The following TTC28 variants were observed in gnomAD, a reference collection of about 807,000 sequenced individuals.
TTC28 encodes the protein tetratricopeptide repeat protein 28.
TTC28 carries 61 observed loss-of-function variants against 198.0 expected under a neutral mutation model. The ratio of observed to expected loss-of-function variants is 0.31; its 90% CI spans 0.25 to 0.38. The LOEUF (loss-of-function observed/expected upper bound fraction) is 0.38. Among genes scored for constraint, TTC28 ranks in the 10% least tolerant of loss-of-function variants. TTC28 has a pLI of 1.00. For synonymous variants in TTC28, 1,171 were observed against 1,297.8 expected (o/e 0.90, Z 2.10); for missense variants, 2,678 against 3,164.0 (o/e 0.85, Z 3.69).
intron 2 of TTC28, among the ~76,000 whole-genome samples, chr22:28,397,494 G>A (rs1293028448): frequency 6.6e-6 from 1 of 152,202 alleles, no homozygotes; most frequent in Non-Finnish European, 1.5e-5. Flanking sequence ...AGACAGCACA[G>A]GCAGAGAGTG....
intron 5 of TTC28, among the ~76,000 whole-genome samples, chr22:28,232,165 C>T (rs1928859436): frequency 6.6e-6 from 1 of 152,298 alleles, no homozygotes; most frequent in South Asian, 2.1e-4. Context: ...AGGATTTCAA[C>T]CACTCCAGCA....
At chr22:28,109,598 T>C (rs1026157632) in intron 6 of TTC28, among the ~76,000 whole-genome samples, 1 of 152,188 alleles carries the variant, frequency 6.6e-6, no homozygotes, top group Admixed American at 6.5e-5. Flanking sequence ...TAACAAGCAG[T>C]TTAAAAAAGT....
intron 5 of TTC28, among the ~76,000 whole-genome samples, chr22:28,176,271 G>A (rs763404792): frequency 6.6e-6 from 1 of 152,052 alleles, no homozygotes; most frequent in Non-Finnish European, 1.5e-5. Context: ...CAACATGTTC[G>A]AACCTGGAGA....
chr22:28,197,556 C>G (rs1410801210), intron 5 of TTC28, among the ~76,000 whole-genome samples: 1 of 151,508 alleles, frequency 6.6e-6, no homozygotes, highest in Non-Finnish European at 1.5e-5. Flanking sequence ...ACTTTTAAAG[C>G]CTAAAAATGA....
intron 12 of TTC28, among the ~76,000 whole-genome samples, chr22:28,090,180 A>C (rs1941770212): frequency 6.6e-6 from 1 of 152,196 alleles, no homozygotes; most frequent in African/African-American, 2.4e-5. Flanking sequence ...GAAAAGTAAA[A>C]AGAATAAAAT....
intron 14 of TTC28, among the ~76,000 whole-genome samples, chr22:28,012,858 G>A (rs915576622): frequency 1.3e-5 from 2 of 152,154 alleles, no homozygotes; most frequent in African/African-American, 4.8e-5. Context: ...GTTGCATTGG[G>A]TGTTATCATC....
Position 28,032,957 on chromosome 22 carries a change from G to A in TTC28, c.3933-2591C>T, listed in dbSNP as rs1329509053. Among the ~76,000 whole-genome samples the A allele has an allele frequency of 2.0e-5, 3 of 152,184 alleles. No individual in the cohort carries two copies. The South Asian group carries it at 6.2e-4, about 32-fold the overall frequency. On this transcript the variant is annotated intron_variant, in intron 12 of 22. Transcript: ENST00000397906. ...AGGCAGGCAGGTGAAGGCTTGAAAG[G>A]CTCCTTTGGGAGCTGAAGGCCCTTC...
At chr22:28,243,238 C>T (rs35051985) in intron 5 of TTC28, among the ~76,000 whole-genome samples, 7,327 of 140,060 alleles carry the variant, frequency 0.052, 272 homozygotes, top group African/African-American at 0.097. Flanking sequence ...TGTCACACAC[C>T]TGTAGTCTCA....
intron 1 of TTC28, among the ~76,000 whole-genome samples, chr22:28,640,037 T>C (rs1349023120): frequency 6.6e-6 from 1 of 152,126 alleles, no homozygotes; most frequent in Non-Finnish European, 1.5e-5. Context: ...CCAGGTGCAG[T>C]GGCTCAAGTC....
intron 6 of TTC28, among the ~76,000 whole-genome samples, chr22:28,112,192 C>A (rs1038945790): frequency 1.3e-5 from 2 of 152,048 alleles, no homozygotes; most frequent in African/African-American, 2.4e-5. Context: ...TAGTATGTAT[C>A]AATATACTTT....
chr22:28,179,326 A>AT lies in TTC28; in HGVS notation c.934-15728dup, dbSNP rs940745443. On this transcript the variant is annotated intron_variant, in intron 5 of 22. Coordinates refer to ENST00000397906, the MANE Select transcript of TTC28 (RefSeq NM_001145418.2). ...AGGTGTGTGCCACCATGCACAGCTA[A>AT]TTTTTTTTTTGTATTTTTAATAGAG... is the stretch of plus-strand genomic sequence containing the variant. Among the ~76,000 whole-genome samples the AT allele has an allele frequency of 3.9e-3, 574 of 148,810 alleles. 3 individuals are homozygous for AT. Among genetic ancestry groups the AT allele is most frequent in the African/African-American group, 9.0e-3 (367 of 40,580 alleles).
chr22:28,120,833 G>A (rs1260935100), intron 6 of TTC28, among the ~76,000 whole-genome samples: 1 of 152,146 alleles, frequency 6.6e-6, no homozygotes, highest in African/African-American at 2.4e-5. Context: ...AGGCAATCGG[G>A]TCTGAAAAGC....
intron 2 of TTC28, among the ~76,000 whole-genome samples, chr22:28,312,871 C>T (rs565674280): frequency 1.1e-3 from 172 of 152,060 alleles, no homozygotes; most frequent in African/African-American, 4.0e-3. Flanking sequence ...CAGAGCAGAA[C>T]TGAAGGAGAT....
chr22:28,154,503 G>T (rs1363020636), intron 6 of TTC28, among the ~76,000 whole-genome samples: 1 of 151,726 alleles, frequency 6.6e-6, no homozygotes, highest in Non-Finnish European at 1.5e-5. Context: ...GGCGCCTGCC[G>T]CCACGCCCAG....
intron 2 of TTC28, among the ~76,000 whole-genome samples, chr22:28,476,399 C>T (rs938466872): frequency 6.6e-6 from 1 of 151,928 alleles, no homozygotes. Flanking sequence ...AGTTTTGTTC[C>T]TATTACAAAG....
intron 2 of TTC28, among the ~76,000 whole-genome samples, chr22:28,445,243 T>C (rs773968893): frequency 6.6e-6 from 1 of 152,030 alleles, no homozygotes; most frequent in Non-Finnish European, 1.5e-5. Flanking sequence ...AAGCATCACA[T>C]AGGATAGAAA....
At chr22:28,634,125 G>A (rs1422908502) in intron 1 of TTC28, among the ~76,000 whole-genome samples, 1 of 152,096 alleles carries the variant, frequency 6.6e-6, no homozygotes, top group Non-Finnish European at 1.5e-5. Flanking sequence ...AGAAAAATGC[G>A]CTGTAGTAAG....
At chr22:28,586,351 C>T (rs952428604) in intron 2 of TTC28, among the ~76,000 whole-genome samples, 1 of 150,634 alleles carries the variant, frequency 6.6e-6, no homozygotes, top group Admixed American at 6.6e-5. Context: ...CTGTATTGGA[C>T]ACAGTTTTAC....
chr22:28,037,292 A>T (rs1485282018), intron 12 of TTC28, among the ~76,000 whole-genome samples: 1 of 152,232 alleles, frequency 6.6e-6, no homozygotes, highest in Non-Finnish European at 1.5e-5. Flanking sequence ...AACCGAATCC[A>T]GCAACACATC....
Sources: gnomAD v4.1 joint callset for allele counts (sites outside exome capture counted in the v4.1 genomes callset) on GRCh38, gnomAD v4.1.1 for gene constraint, MANE v1.5 for transcripts, NCBI Gene and HGNC (gene_info 2026-07-23, HGNC 2026-07-21) for gene names.